Variants in PDE10A observed in about 807,000 individuals in gnomAD.
The protein encoded by PDE10A is cAMP and cAMP-inhibited cGMP 3',5'-cyclic phosphodiesterase 10A.
A neutral mutation model predicts 97.7 loss-of-function variants in PDE10A; 39 were observed. The observed-to-expected ratio is 0.40, with a 90% CI of 0.31 to 0.52. The LOEUF is 0.52. Among genes scored for constraint, PDE10A ranks in the 20% least tolerant of loss-of-function variants. PDE10A has a pLI of 0.56. For missense variants in PDE10A, 731 were observed against 1,047.8 expected, an observed-to-expected ratio of 0.70 and a Z score of 4.17; for synonymous variants, 371 against 376.8, an observed-to-expected ratio of 0.98 and a Z score of 0.18.
intron 1 of PDE10A, among the ~76,000 whole-genome samples, chr6:165,572,081 G>A (rs905440732): frequency 9.2e-5 from 14 of 152,142 alleles, no homozygotes; most frequent in African/African-American, 1.7e-4. Flanking sequence ...TGGCACTTCC[G>A]CTTTCTTGAA....
intron 1 of PDE10A, among the ~76,000 whole-genome samples, chr6:165,961,894 G>A (rs1784371336): frequency 6.6e-6 from 1 of 152,194 alleles, no homozygotes; most frequent in African/African-American, 2.4e-5. Flanking sequence ...GTGGTTTGTG[G>A]GCAATGAAGG....
intron 1 of PDE10A, chr6:165,660,137 C>T (rs1169211069): frequency 2.0e-5 from 3 of 152,364 alleles, no homozygotes; most frequent in African/African-American, 7.2e-5. Context: ...CCAGGAGGAA[C>T]CCCAGTCCTA....
At chr6:165,400,595 A>G (rs1786576038) in intron 13 of PDE10A, among the ~76,000 whole-genome samples, 1 of 152,234 alleles carries the variant, frequency 6.6e-6, no homozygotes, top group Admixed American at 6.5e-5. Context: ...GAACTGGAAC[A>G]CATGCTGTGA....
intron 1 of PDE10A, among the ~76,000 whole-genome samples, chr6:165,839,529 A>G (rs1562762098): frequency 6.6e-6 from 1 of 152,198 alleles, no homozygotes; most frequent in South Asian, 2.1e-4. Context: ...CCCAATTCCT[A>G]TGGAGAAACA....
intron 10 of PDE10A, among the ~76,000 whole-genome samples, chr6:165,424,706 G>GA (rs1471749587): frequency 1.1e-4 from 16 of 152,038 alleles, no homozygotes; most frequent in African/African-American, 3.9e-4. Context: ...TGCAAACTTG[G>GA]AAATAAATAT....
intron 1 of PDE10A, among the ~76,000 whole-genome samples, chr6:165,887,516 G>T (rs1461147504): frequency 4.0e-5 from 6 of 149,618 alleles, no homozygotes; most frequent in African/African-American, 1.5e-4. Context: ...CTGTAGGTGA[G>T]CCAGGTTCTT....
chr6:165,391,254 G>T lies in PDE10A; in HGVS notation c.2454+1392C>A, dbSNP rs1171142834. The stretch of plus-strand genomic sequence containing the variant: ...TTAAATATTTACATGTCATTTTGGG[G>T]ATTATTTTTCAGCCAAAACGATCTG... On this transcript the variant is annotated intron_variant, in intron 16 of 21. Coordinates refer to ENST00000539869, the MANE Select transcript of PDE10A (RefSeq NM_001385079.1). 2.0e-5 allele frequency among the ~76,000 whole-genome samples: 3 copies of T among 152,130 alleles called. No homozygotes were observed. The South Asian group carries it at 6.2e-4, about 32-fold the overall frequency.
chr6:165,794,527 C>G (rs1314694900), intron 1 of PDE10A, among the ~76,000 whole-genome samples: 1 of 151,848 alleles, frequency 6.6e-6, no homozygotes, highest in East Asian at 1.9e-4. Context: ...CACTCGCACA[C>G]CCTCACACAC....
intron 1 of PDE10A, among the ~76,000 whole-genome samples, chr6:165,641,238 C>A (rs1789118029): frequency 6.6e-6 from 1 of 152,070 alleles, no homozygotes; most frequent in Admixed American, 6.5e-5. Flanking sequence ...TTTTTTAAAT[C>A]TTTTATTTAT....
intron 1 of PDE10A, among the ~76,000 whole-genome samples, chr6:165,837,607 C>T (rs1487080699): frequency 6.7e-6 from 1 of 149,554 alleles, no homozygotes; most frequent in East Asian, 2.0e-4. Context: ...TGATGTTTAA[C>T]TCAAGGAGTC....
upstream of PDE10A, among the ~76,000 whole-genome samples, chr6:165,667,037 T>A (rs1235674231): frequency 6.6e-6 from 1 of 152,200 alleles, no homozygotes; most frequent in Non-Finnish European, 1.5e-5. Context: ...CTTCTTACAG[T>A]GTTGTTATAG....
At chr6:165,569,235 C>A (rs1784932678) in intron 1 of PDE10A, among the ~76,000 whole-genome samples, 1 of 152,052 alleles carries the variant, frequency 6.6e-6, no homozygotes, top group South Asian at 2.1e-4. Context: ...TGTTGAACAG[C>A]ATTGTTGTAG....
intron 1 of PDE10A, among the ~76,000 whole-genome samples, chr6:165,864,552 A>C (rs1780987907): frequency 6.6e-6 from 1 of 152,248 alleles, no homozygotes; most frequent in African/African-American, 2.4e-5. Context: ...CAATTTAACA[A>C]AGAATTTTAA....
In PDE10A at chr6:165,711,513, T is replaced by C. The variant is rs892982787; in HGVS notation, c.-614-167945A>G. Among the ~76,000 whole-genome samples the C allele has an allele frequency of 6.6e-6, 1 of 152,140 alleles. No individual in the cohort carries two copies. The highest frequency in any genetic ancestry group is 2.4e-5 in the African/African-American group (1 of 41,432). Reference sequence around the variant, plus strand: ...GGAGAGGGCCTTAAGTCACTCTCCATTTGGAGGTTTTCTTGAGGGGATTTT... The same window carrying C: ...GGAGAGGGCCTTAAGTCACTCTCCACTTGGAGGTTTTCTTGAGGGGATTTT... On this transcript the variant is annotated intron_variant, in intron 1 of 19. Coordinates refer to the PDE10A transcript ENST00000366882. The surrounding 1 kb of genome is among the most constrained non-coding windows in gnomAD (Gnocchi z 4.5).
intron 1 of PDE10A, among the ~76,000 whole-genome samples, chr6:165,619,056 GGTGTA>G (rs879488916): frequency 9.3e-4 from 46 of 49,536 alleles, no homozygotes; most frequent in South Asian, 2.1e-3. Context: ...AGTCTAGTGT[GGTGTA>G]GTGTAGTGTA....
intron 5 of PDE10A, among the ~76,000 whole-genome samples, chr6:165,445,865 G>C (rs1339377632): frequency 6.6e-6 from 1 of 151,540 alleles, no homozygotes; most frequent in African/African-American, 2.4e-5. Context: ...CCATTTAAGA[G>C]GCCCATGGAA....
chr6:165,558,391 G>A (rs1037993260), intron 1 of PDE10A, among the ~76,000 whole-genome samples: 4 of 152,020 alleles, frequency 2.6e-5, no homozygotes, highest in African/African-American at 9.7e-5. Context: ...AATCATAGGT[G>A]GGAACTGAAC....
intron 1 of PDE10A, among the ~76,000 whole-genome samples, chr6:165,679,496 T>G (rs1009134179): frequency 3.9e-5 from 6 of 151,962 alleles, no homozygotes; most frequent in Non-Finnish European, 7.4e-5. Context: ...CTTGAGGAGG[T>G]GTGGCACCGC....
At chr6:165,501,964 C>A (rs78067832) in intron 2 of PDE10A, among the ~76,000 whole-genome samples, 7,641 of 152,088 alleles carry the variant, frequency 0.05, 308 homozygotes, top group African/African-American at 0.11. Context: ...ATCAACGAAC[C>A]AAAACAGAAT....
Sources: allele counts gnomAD v4.1 joint callset (sites outside exome capture counted in the v4.1 genomes callset), GRCh38; gene constraint gnomAD v4.1.1; non-coding constraint Gnocchi (gnomAD v3.1); transcripts MANE v1.5; gene names NCBI Gene and HGNC (gene_info 2026-07-23, HGNC 2026-07-21).